The following RBFOX1 variants were observed in gnomAD, a reference collection of about 807,000 sequenced individuals.
The protein encoded by RBFOX1 is RNA binding fox-1 homolog 1.
A neutral mutation model predicts 57.7 loss-of-function variants in RBFOX1; 8 were observed. The ratio of observed to expected loss-of-function variants is 0.14; its 90% CI spans 0.08 to 0.25. The LOEUF (loss-of-function observed/expected upper bound fraction) is 0.25. Among genes scored for constraint, RBFOX1 ranks in the 10% least tolerant of loss-of-function variants. The pLI, the probability that RBFOX1 is intolerant of heterozygous loss-of-function variation, is 1.00. For missense variants in RBFOX1, 611 were observed against 548.5 expected (o/e 1.11, Z -1.14); for synonymous variants, 326 against 222.4 (o/e 1.47, Z -4.15).
intron 4 of RBFOX1, among the ~76,000 whole-genome samples, chr16:7,344,652 A>G (rs906175270): frequency 4.6e-5 from 7 of 151,994 alleles, no homozygotes; most frequent in Non-Finnish European, 7.4e-5. Flanking sequence ...TTTTTCCTAA[A>G]TAATTTCTAC....
At chr16:5,420,997 TCC>T (rs2067308734) in intron 1 of RBFOX1, among the ~76,000 whole-genome samples, 1 of 142,490 alleles carries the variant, frequency 7.0e-6, no homozygotes. Context: ...CTCCTCCTCC[TCC>T]TCCTCCTCCT....
intron 3 of RBFOX1, among the ~76,000 whole-genome samples, chr16:6,941,305 T>TC (rs2078448716): frequency 1.4e-4 from 4 of 27,980 alleles, no homozygotes; most frequent in African/African-American, 3.4e-4. Context: ...CCTCCCTCCT[T>TC]CCTTCCTTCC....
intron 1 of RBFOX1, among the ~76,000 whole-genome samples, chr16:5,434,770 T>C (rs2067865688): frequency 6.6e-6 from 1 of 152,248 alleles, no homozygotes; most frequent in Non-Finnish European, 1.5e-5. Context: ...TATCTGGCTA[T>C]ACCCTGACTT....
chr16:5,947,409 T>G lies in RBFOX1; in HGVS notation c.351+80074T>G, dbSNP rs1291941804. Among the ~76,000 whole-genome samples, 2 of 152,182 alleles carry G rather than the reference T, an allele frequency of 1.3e-5. No homozygotes were observed. The highest frequency in any genetic ancestry group is 4.8e-5 in the African/African-American group (2 of 41,448). ...TTTTCAGACAGGGTCTTGCTCTCGC[T>G]CAGACTGGAGTGCATTGGTATGATC... On this transcript the variant is annotated intron_variant, in intron 4 of 19. Transcript: ENST00000641259. The surrounding 1 kb of genome is among the most constrained non-coding windows in gnomAD (Gnocchi z 7.2).
intron 1 of RBFOX1, among the ~76,000 whole-genome samples, chr16:5,388,410 C>A (rs1202507746): frequency 6.6e-6 from 1 of 152,134 alleles, no homozygotes; most frequent in Non-Finnish European, 1.5e-5. Context: ...CCAATAGGCA[C>A]AGTCAAGGAT....
chr16:7,298,252 C>T (rs1296671830), intron 4 of RBFOX1, among the ~76,000 whole-genome samples: 1 of 146,866 alleles, frequency 6.8e-6, no homozygotes, highest in African/African-American at 2.5e-5. Context: ...CAACCCACCA[C>T]AATGTAGAAA....
At chr16:5,332,571 C>A (rs1256759490) in intron 1 of RBFOX1, among the ~76,000 whole-genome samples, 3 of 151,666 alleles carry the variant, frequency 2.0e-5, no homozygotes, top group South Asian at 4.2e-4. Context: ...GCCAAGGGGA[C>A]TTTTAAAAGT....
chr16:7,598,161 GT>G lies in RBFOX1; in HGVS notation c.622+731del, dbSNP rs746017064. On this transcript the variant is annotated intron_variant, in intron 9 of 15. Transcript: ENST00000550418. Reference sequence around the variant, plus strand: ...ATATATGGGGAAGAAACCTGCCACTGTGTTAATCACATACTTAATTGTACCA... The same window carrying G: ...ATATATGGGGAAGAAACCTGCCACTGGTTAATCACATACTTAATTGTACCA... Among the ~76,000 whole-genome samples, 16 of 152,266 alleles carry G rather than the reference GT, an allele frequency of 1.1e-4. No individual in the cohort carries two copies. In the East Asian group the frequency reaches 1.7e-3, roughly 17 times the overall value.
chr16:7,036,786 G>A (rs556048329), intron 3 of RBFOX1, among the ~76,000 whole-genome samples: 4 of 152,110 alleles, frequency 2.6e-5, no homozygotes, highest in Non-Finnish European at 4.4e-5. Context: ...GTGAAAGCAA[G>A]TTTATTAAGA....
intron 3 of RBFOX1, among the ~76,000 whole-genome samples, chr16:6,919,094 C>G (rs1466917841): frequency 3.3e-5 from 5 of 152,182 alleles, no homozygotes; most frequent in East Asian, 1.9e-4. Flanking sequence ...ATTCTCCTGT[C>G]TCAGCCTACT....
intron 4 of RBFOX1, among the ~76,000 whole-genome samples, chr16:5,988,401 A>T (rs968740077): frequency 6.6e-6 from 1 of 152,194 alleles, no homozygotes; most frequent in African/African-American, 2.4e-5. Flanking sequence ...CAAGCCTCTA[A>T]TATTTCTGTC....
At chr16:7,545,312 G>C (rs2084130764) in intron 5 of RBFOX1, among the ~76,000 whole-genome samples, 1 of 144,492 alleles carries the variant, frequency 6.9e-6, no homozygotes, top group Admixed American at 6.8e-5. Flanking sequence ...GCAGGGTGCG[G>C]GTCATGGGGG....
chr16:7,229,114 C>G (rs963896240), intron 4 of RBFOX1, among the ~76,000 whole-genome samples: 3 of 152,130 alleles, frequency 2.0e-5, no homozygotes, highest in African/African-American at 7.2e-5. Context: ...AAGGTCAGAA[C>G]AAGTAGTCAA....
At chr16:6,790,938 C>G (rs767268869) in intron 3 of RBFOX1, among the ~76,000 whole-genome samples, 27 of 151,568 alleles carry the variant, frequency 1.8e-4, no homozygotes, top group Non-Finnish European at 2.8e-4. Flanking sequence ...TGGGGTCTGA[C>G]TGTGTCACCC....
intron 2 of RBFOX1, among the ~76,000 whole-genome samples, chr16:6,399,524 G>T (rs1041457338): frequency 1.3e-5 from 2 of 151,980 alleles, no homozygotes; most frequent in Non-Finnish European, 2.9e-5. Context: ...ACCTCAGCCA[G>T]GACTTCATTG....
At chr16:6,882,354 T>G (rs951968692) in intron 3 of RBFOX1, among the ~76,000 whole-genome samples, 1 of 152,118 alleles carries the variant, frequency 6.6e-6, no homozygotes, top group African/African-American at 2.4e-5. Context: ...GTGAGCAGTA[T>G]AATTACAGTT....
intron 3 of RBFOX1, among the ~76,000 whole-genome samples, chr16:6,874,777 G>T (rs1267189922): frequency 6.6e-6 from 1 of 152,092 alleles, no homozygotes; most frequent in Non-Finnish European, 1.5e-5. Context: ...GACTTGAGGG[G>T]AAGGGTGGGA....
chr16:7,226,532 C>T lies in RBFOX1; in HGVS notation c.27+174434C>T, dbSNP rs115967106. Among the ~76,000 whole-genome samples, 493 of 152,238 alleles carry T rather than the reference C, an allele frequency of 3.2e-3. 8 individuals are homozygous for T. The highest frequency in any genetic ancestry group is 0.011 in the African/African-American group (463 of 41,548). On this transcript the variant is annotated intron_variant, in intron 4 of 15. Transcript: ENST00000550418. ...AACCCTGAATTTTCCTTGGGTCTGCCGTAACAAATTCTCTCAATGGTGCCT... is the reference window on the plus strand; with the variant it reads ...AACCCTGAATTTTCCTTGGGTCTGCTGTAACAAATTCTCTCAATGGTGCCT...
intron 1 of RBFOX1, among the ~76,000 whole-genome samples, chr16:5,283,401 T>C (rs1299013263): frequency 2.0e-5 from 3 of 152,104 alleles, no homozygotes; most frequent in Non-Finnish European, 4.4e-5. Context: ...CACTGACAGC[T>C]TGTACTGTGT....
Sources: allele counts gnomAD v4.1 joint callset (sites outside exome capture counted in the v4.1 genomes callset), GRCh38; gene constraint gnomAD v4.1.1; non-coding constraint Gnocchi (gnomAD v3.1); transcripts MANE v1.5; gene names NCBI Gene and HGNC (gene_info 2026-07-23, HGNC 2026-07-21).